The following MTMR3 variants were observed in gnomAD, a reference collection of about 807,000 sequenced individuals.
MTMR3 encodes the protein phosphatidylinositol-3,5-bisphosphate 3-phosphatase MTMR3.
In MTMR3, 32 loss-of-function variants were observed where a neutral mutation model predicts 132.4. That is an observed-to-expected ratio of 0.24 (90% confidence interval 0.18 to 0.32). The LOEUF (loss-of-function observed/expected upper bound fraction) is 0.32. Ranked by LOEUF, MTMR3 falls within the 10% of genes least tolerant of loss-of-function variation. The pLI is 1.00. For synonymous variants in MTMR3, 556 were observed against 550.3 expected, an observed-to-expected ratio of 1.01 and a Z score of -0.14; for missense variants, 1,216 against 1,489.6, an observed-to-expected ratio of 0.82 and a Z score of 3.02.
At chr22:29,962,488 G>A (rs2066330924) in intron 2 of MTMR3, among the ~76,000 whole-genome samples, 1 of 152,026 alleles carries the variant, frequency 6.6e-6, no homozygotes, top group Non-Finnish European at 1.5e-5. Flanking sequence ...ACAACATGGT[G>A]TGAGCCTCCC....
intron 1 of MTMR3, among the ~76,000 whole-genome samples, chr22:29,934,371 T>A (rs2065707674): frequency 6.6e-6 from 1 of 152,008 alleles, no homozygotes; most frequent in South Asian, 2.1e-4. Context: ...AAAAAAAAAT[T>A]AAGCTCTGGA....
intron 3 of MTMR3, among the ~76,000 whole-genome samples, chr22:29,976,873 TG>T (rs1040969154): frequency 6.6e-6 from 1 of 152,194 alleles, no homozygotes; most frequent in African/African-American, 2.4e-5. Context: ...AAACTCTTTT[TG>T]GGGGAAGACT....
intron 1 of MTMR3, among the ~76,000 whole-genome samples, chr22:29,888,768 C>CTTTTTTTTT (rs3049983): frequency 9.8e-6 from 1 of 101,880 alleles, no homozygotes; most frequent in African/African-American, 3.8e-5. Context: ...TTAGTTAATA[C>CTTTTTTTTT]TTTTTTTTTT....
At chr22:29,983,132 T>C (rs2066789219) in intron 5 of MTMR3, 1 of 152,204 alleles carries the variant, frequency 6.6e-6, no homozygotes, top group African/African-American at 2.4e-5. Context: ...ATGTTTCCCC[T>C]CTGCATGAGT....
chr22:30,012,653 G>C, intron 13 of MTMR3, 90 bp downstream of exon 13: 5 of 1,341,338 alleles, frequency 3.7e-6, no homozygotes, highest in Non-Finnish European at 5.0e-6. Context: ...GTGGTGATTC[G>C]GTTAAAGAAA....
At chr22:29,966,790 T>C (rs1222228652) in intron 2 of MTMR3, among the ~76,000 whole-genome samples, 5 of 150,664 alleles carry the variant, frequency 3.3e-5, no homozygotes, top group Admixed American at 6.6e-5. Context: ...TGTGTGTGTG[T>C]GAGAGAGAGA....
chr22:30,022,298 C>CT (rs2145980521), intron 18 of MTMR3, 159 bp downstream of exon 18: 2 of 633,602 alleles, frequency 3.2e-6, no homozygotes, highest in Non-Finnish European at 5.5e-6. Flanking sequence ...CACATGAAGC[C>CT]TAGGATTTCT....
chr22:29,924,943 C>T (rs2145777209), intron 1 of MTMR3, among the ~76,000 whole-genome samples: 1 of 152,156 alleles, frequency 6.6e-6, no homozygotes, highest in Middle Eastern at 3.4e-3. Flanking sequence ...TTTGGCTGTC[C>T]ATACTAATAT....
intron 1 of MTMR3, among the ~76,000 whole-genome samples, chr22:29,910,545 G>T (rs541917975): frequency 3.9e-4 from 59 of 152,272 alleles, no homozygotes; most frequent in African/African-American, 1.4e-3. Context: ...AGTGCTACAT[G>T]AATTTTAGTC....
rs557669979 is a variant in MTMR3, at chr22:29,943,249, G to C, written c.-137-13787G>C. Among the ~76,000 whole-genome samples, 678 of 151,846 alleles carry C rather than the reference G, an allele frequency of 4.5e-3. 6 individuals are homozygous for C. Among genetic ancestry groups the C allele is most frequent in the African/African-American group, 0.015 (640 of 41,394 alleles). On this transcript the variant is annotated intron_variant, in intron 1 of 19. Transcript: ENST00000401950. Reference sequence around the variant, plus strand: ...ACTCTGTCACCCAGGCTGGAGTGCAGTGGCGCCATCTCGGCTCACTGCAAG... The same window carrying C: ...ACTCTGTCACCCAGGCTGGAGTGCACTGGCGCCATCTCGGCTCACTGCAAG...
intron 1 of MTMR3, among the ~76,000 whole-genome samples, chr22:29,909,314 C>G (rs534853935): frequency 1.6e-4 from 25 of 152,194 alleles, no homozygotes; most frequent in Middle Eastern, 3.4e-3. Flanking sequence ...TTTCATTGCA[C>G]TGAGAGAAAA....
chr22:29,978,885 T>C, intron 4 of MTMR3, 51 bp from the exon 5 acceptor site: 1 of 1,162,832 alleles, frequency 8.6e-7, no homozygotes, highest in Non-Finnish European at 1.2e-6. Context: ...GTTTGAAGCT[T>C]TTTTTTTTTT....
rs1980270796 is a variant in MTMR3, at chr22:30,002,961, G to A, written c.639G>A (p.Arg213=). 1.9e-6 allele frequency: 3 copies of A among 1,613,936 alleles called. No individual in the cohort carries two copies. Among genetic ancestry groups the A allele is most frequent in the South Asian group, 1.1e-5 (1 of 91,084 alleles). Residue 213 remains arginine, a synonymous_variant, in exon 9 of 20, where the codon AGG becomes AGA. Coordinates refer to ENST00000401950, the MANE Select transcript of MTMR3 (RefSeq NM_021090.4). ...DKELESVSSF[R]SWKRIPAVIY... is the part of the protein sequence containing the mutation. ...AACTGGAAAGTGTATCAAGTTTCAG[G>A]TCCTGGAAGCGCATCCCTGCCGTCA...
chr22:29,935,909 C>T (rs574686264), intron 1 of MTMR3, among the ~76,000 whole-genome samples: 5 of 152,132 alleles, frequency 3.3e-5, no homozygotes, highest in East Asian at 1.9e-4. Flanking sequence ...CCCGCCACCA[C>T]GCCTGGCTAA....
intron 1 of MTMR3, 148 bp from the exon 2 acceptor site, chr22:29,956,888 G>C (rs1307107287): frequency 6.6e-6 from 1 of 152,250 alleles, no homozygotes; most frequent in Non-Finnish European, 1.5e-5. Flanking sequence ...ATCTGTGGTT[G>C]ACTAAATACT....
chr22:29,973,766 A>G (rs779896735), intron 3 of MTMR3, among the ~76,000 whole-genome samples: 11 of 151,968 alleles, frequency 7.2e-5, no homozygotes, highest in Non-Finnish European at 5.9e-5. Context: ...CGCCCAGCTA[A>G]TTTTTGTATT....
chr22:29,933,549 G>T (rs1441269553), intron 1 of MTMR3, among the ~76,000 whole-genome samples: 1 of 152,042 alleles, frequency 6.6e-6, no homozygotes, highest in East Asian at 1.9e-4. Context: ...TAAAATTTGA[G>T]AATTAAAATG....
intron 2 of MTMR3, among the ~76,000 whole-genome samples, chr22:29,965,568 C>A (rs1179851825): frequency 6.6e-6 from 1 of 152,100 alleles, no homozygotes; most frequent in African/African-American, 2.4e-5. Context: ...GCCTGTAATC[C>A]CAGCTACTTG....
In MTMR3 at chr22:30,030,340, T is replaced by C. The variant is rs1414148065; in HGVS notation, c.*4539T>C. 1 of 122,090 alleles carries C rather than the reference T, an allele frequency of 8.2e-6. No individual in the cohort carries two copies. Among genetic ancestry groups the C allele is most frequent in the Non-Finnish European group, 1.9e-5 (1 of 53,964 alleles). 7.6% of individuals were successfully genotyped at this position (122,090 alleles called of 1,614,324 possible). A position where few individuals can be genotyped will look rare whatever the true frequency, so the allele number is the denominator to read the frequency against. Reference sequence around the variant, plus strand: ...CTTTAACAGCTTCCCAACTAGCTTATAAGATTTTTTTTTTTAATGAAAACA... The same window carrying C: ...CTTTAACAGCTTCCCAACTAGCTTACAAGATTTTTTTTTTTAATGAAAACA... On this transcript the variant is annotated 3_prime_UTR_variant, in exon 20 of 20. Transcript: ENST00000401950.
Sources: allele counts gnomAD v4.1 joint callset (sites outside exome capture counted in the v4.1 genomes callset), GRCh38; gene constraint gnomAD v4.1.1; transcripts MANE v1.5; gene names NCBI Gene and HGNC (gene_info 2026-07-23, HGNC 2026-07-21).